AVEN: variants seen among roughly 807,000 people sequenced by gnomAD.
AVEN encodes cell death regulator Aven.
AVEN carries 41 observed loss-of-function variants against 38.1 expected under a neutral mutation model. That is an observed-to-expected ratio of 1.08 (90% CI 0.84 to 1.40). The LOEUF is 1.40. Among genes scored for constraint, AVEN ranks in the 40% most tolerant of loss-of-function variants. The pLI, the probability that AVEN is intolerant of heterozygous loss-of-function variation, is 0.00. For missense variants in AVEN, 605 were observed against 438.8 expected, an observed-to-expected ratio of 1.38 and a Z score of -3.38; for synonymous variants, 206 against 171.8, an observed-to-expected ratio of 1.20 and a Z score of -1.56.
At chr15:34,015,008 A>T (rs1897820359) in intron 1 of AVEN, among the ~76,000 whole-genome samples, 2 of 152,086 alleles carry the variant, frequency 1.3e-5, no homozygotes, top group African/African-American at 4.8e-5. Flanking sequence ...AAGACAACAG[A>T]AGACTTCTGG....
intron 2 of AVEN, among the ~76,000 whole-genome samples, chr15:33,949,616 T>C (rs1224901819): frequency 6.6e-6 from 1 of 152,102 alleles, no homozygotes; most frequent in Non-Finnish European, 1.5e-5. Flanking sequence ...CGAGGTTTCT[T>C]TTCTGGGTGA....
intron 2 of AVEN, among the ~76,000 whole-genome samples, chr15:33,928,287 T>G (rs907722692): frequency 1.3e-5 from 2 of 152,284 alleles, no homozygotes; most frequent in Admixed American, 6.5e-5. Flanking sequence ...AAAGAAAACT[T>G]GAAAGCTCTG....
At chr15:33,884,463 G>C (rs2153038765) in intron 2 of AVEN, among the ~76,000 whole-genome samples, 1 of 152,022 alleles carries the variant, frequency 6.6e-6, no homozygotes, top group East Asian at 1.9e-4. Context: ...GTGAAATAAA[G>C]GTGTCGTACC....
intron 2 of AVEN, among the ~76,000 whole-genome samples, chr15:33,988,859 C>T (rs1896596822): frequency 1.3e-5 from 2 of 152,200 alleles, no homozygotes; most frequent in African/African-American, 4.8e-5. Context: ...GAAAGATTTT[C>T]AGTAAAGGTG....
At chr15:33,949,127 G>A (rs534747994) in intron 2 of AVEN, among the ~76,000 whole-genome samples, 4 of 152,214 alleles carry the variant, frequency 2.6e-5, no homozygotes, top group East Asian at 1.9e-4. Context: ...AGGTTCAGGC[G>A]ATTCTCCTGC....
chr15:33,886,316 G>C (rs115455493), intron 2 of AVEN, among the ~76,000 whole-genome samples: 3,018 of 152,048 alleles, frequency 0.02, 66 homozygotes, highest in African/African-American at 0.062. Context: ...ATGGTTTTTT[G>C]TTTTGAGATG....
chr15:34,070,508 G>C (rs192702307), intron 2 of AVEN, among the ~76,000 whole-genome samples: 312 of 151,866 alleles, frequency 2.1e-3, no homozygotes, highest in Middle Eastern at 0.01. Context: ...ATAAAGGTTT[G>C]ATTCTTACAT....
intron 1 of AVEN, among the ~76,000 whole-genome samples, chr15:34,016,274 C>G (rs764714189): frequency 2.6e-5 from 4 of 152,146 alleles, no homozygotes; most frequent in African/African-American, 9.7e-5. Context: ...AGCAACTTAT[C>G]TCTCCTAGGT....
chr15:33,855,867 C>T (rs1391831408), downstream of AVEN: 1 of 152,178 alleles, frequency 6.6e-6, no homozygotes, highest in Non-Finnish European at 1.5e-5. Context: ...CTTCTAATGG[C>T]TTCTCCTTGT....
At chr15:33,889,328 A>G (rs1324604342) in intron 2 of AVEN, among the ~76,000 whole-genome samples, 1 of 152,166 alleles carries the variant, frequency 6.6e-6, no homozygotes, top group African/African-American at 2.4e-5. Flanking sequence ...ACCTTTTCCC[A>G]CCAATGCCAA....
At chr15:33,913,954 T>A (rs1365104571) in intron 2 of AVEN, among the ~76,000 whole-genome samples, 1 of 152,216 alleles carries the variant, frequency 6.6e-6, no homozygotes, top group Admixed American at 6.5e-5. Context: ...ATCATTGTTC[T>A]TCCATAATTT....
At chr15:33,862,939 G>A (rs908905203), downstream of AVEN, among the ~76,000 whole-genome samples, 6 of 152,210 alleles carry the variant, frequency 3.9e-5, no homozygotes, top group African/African-American at 7.2e-5. Flanking sequence ...GTTTTAAAAA[G>A]ATAACTTTAC....
chr15:34,018,400 G>A (rs974814078), intron 1 of AVEN: 2 of 152,282 alleles, frequency 1.3e-5, no homozygotes, highest in Middle Eastern at 3.4e-3. Flanking sequence ...CAGATGTGTC[G>A]AGTTTCTTCC....
chr15:34,067,687 G>A (rs1193655909), intron 2 of AVEN, among the ~76,000 whole-genome samples: 3 of 152,176 alleles, frequency 2.0e-5, no homozygotes, highest in Admixed American at 6.5e-5. Context: ...AGAGATCTGT[G>A]AGTAAAACGC....
chr15:33,882,729 C>T lies in AVEN; in HGVS notation c.446-6734G>A, dbSNP rs564679224. ...TTAAAAAAAATAAAATAAAAGTACC[C>T]AGGTACAGTGGCCCGCACCTATAGT... On this transcript the variant is annotated intron_variant, in intron 2 of 5. Coordinates refer to ENST00000306730, the MANE Select transcript of AVEN (RefSeq NM_020371.3). Among the ~76,000 whole-genome samples the T allele has an allele frequency of 2.9e-3, 442 of 151,822 alleles. 2 individuals carry two copies. The highest frequency in any genetic ancestry group is 0.01 in the African/African-American group (431 of 41,416).
At chr15:33,987,418 C>T (rs1167529384) in intron 2 of AVEN, among the ~76,000 whole-genome samples, 1 of 152,184 alleles carries the variant, frequency 6.6e-6, no homozygotes, top group Admixed American at 6.5e-5. Context: ...GGACAGCCAC[C>T]AGACAGTCTC....
At chr15:33,963,783 C>A (rs1225166486) in intron 2 of AVEN, among the ~76,000 whole-genome samples, 1 of 107,584 alleles carries the variant, frequency 9.3e-6, no homozygotes, top group East Asian at 2.7e-4. Flanking sequence ...GGCGACAGAG[C>A]GAGACTCTGT....
intron 2 of AVEN, among the ~76,000 whole-genome samples, chr15:33,940,178 G>A (rs1358354744): frequency 6.6e-6 from 1 of 152,188 alleles, no homozygotes; most frequent in Non-Finnish European, 1.5e-5. Context: ...AGCAGCCTAA[G>A]CTATGACGCA....
At chr15:33,905,365 C>G (rs1341090651) in intron 2 of AVEN, among the ~76,000 whole-genome samples, 3 of 152,170 alleles carry the variant, frequency 2.0e-5, no homozygotes, top group Non-Finnish European at 4.4e-5. Flanking sequence ...AACACCCATT[C>G]TATAAGGCTA....
Sources: allele counts gnomAD v4.1 joint callset (sites outside exome capture counted in the v4.1 genomes callset), GRCh38; gene constraint gnomAD v4.1.1; transcripts MANE v1.5; gene names NCBI Gene and HGNC (gene_info 2026-07-23, HGNC 2026-07-21).